The following RARB variants were observed in gnomAD, a reference collection of about 807,000 sequenced individuals.
RARB encodes retinoic acid receptor beta, also known as HBV-activated protein.
In RARB, 17 loss-of-function variants were observed where a neutral mutation model predicts 51.9. That is an observed-to-expected ratio of 0.33 (90% CI 0.22 to 0.49). RARB has a LOEUF of 0.49. Among genes scored for constraint, RARB ranks in the 20% least tolerant of loss-of-function variants. RARB has a pLI of 0.99. For synonymous variants in RARB, 215 were observed against 195.4 expected, an observed-to-expected ratio of 1.10 and a Z score of -0.84; for missense variants, 369 against 550.8, an observed-to-expected ratio of 0.67 and a Z score of 3.30.
At chr3:24,928,319 A>C (rs1203021135) in intron 2 of RARB, among the ~76,000 whole-genome samples, 1 of 151,946 alleles carries the variant, frequency 6.6e-6, no homozygotes, top group African/African-American at 2.4e-5. Flanking sequence ...TGATTCATCT[A>C]TTGTGTACCA....
intron 2 of RARB, among the ~76,000 whole-genome samples, chr3:24,962,951 T>G (rs1199256302): frequency 6.6e-6 from 1 of 152,208 alleles, no homozygotes; most frequent in Non-Finnish European, 1.5e-5. Context: ...TTAAGTAATT[T>G]GCCGAAGTCA....
At chr3:25,570,830 T>G (rs943791159) in intron 4 of RARB, among the ~76,000 whole-genome samples, 7 of 152,184 alleles carry the variant, frequency 4.6e-5, no homozygotes, top group African/African-American at 1.7e-4. Flanking sequence ...GTAAACATAC[T>G]TTAAAAACAA....
intron 2 of RARB, among the ~76,000 whole-genome samples, chr3:25,044,064 C>A (rs1013417981): frequency 6.6e-6 from 1 of 151,910 alleles, no homozygotes; most frequent in African/African-American, 2.4e-5. Flanking sequence ...ACTGATACTA[C>A]CTTCAAAGTA....
chr3:25,217,841 C>G (rs1351677172), intron 5 of RARB, among the ~76,000 whole-genome samples: 1 of 152,092 alleles, frequency 6.6e-6, no homozygotes, highest in African/African-American at 2.4e-5. Context: ...GGATATGCAC[C>G]AAACCCTAAA....
chr3:25,159,421 G>A (rs371321933), intron 4 of RARB, among the ~76,000 whole-genome samples: 185 of 106,998 alleles, frequency 1.7e-3, no homozygotes, highest in Middle Eastern at 4.4e-3. Context: ...CACCCCCCCC[G>A]CTCCCCCTCA....
chr3:25,425,470 C>G (rs1255550064), upstream of RARB, among the ~76,000 whole-genome samples: 1 of 152,120 alleles, frequency 6.6e-6, no homozygotes, highest in Non-Finnish European at 1.5e-5. Context: ...TTGCTATCAG[C>G]ATAATTAATT....
intron 1 of RARB, among the ~76,000 whole-genome samples, chr3:25,447,501 A>G (rs772652031): frequency 4.6e-5 from 7 of 152,198 alleles, no homozygotes; most frequent in Admixed American, 6.5e-5. Flanking sequence ...CAGGTGCTCA[A>G]TAAATGTTTG....
chr3:24,880,385 C>T (rs935946564), intron 2 of RARB, among the ~76,000 whole-genome samples: 6 of 151,866 alleles, frequency 4.0e-5, no homozygotes, highest in Admixed American at 1.3e-4. Flanking sequence ...TAATTAATAT[C>T]CTTGGAGAGA....
intron 2 of RARB, among the ~76,000 whole-genome samples, chr3:25,478,874 G>A (rs529595500): frequency 2.0e-5 from 3 of 152,286 alleles, no homozygotes; most frequent in African/African-American, 7.2e-5. Context: ...TTTACCAAAT[G>A]TGGGCTCTAA....
intron 3 of RARB, among the ~76,000 whole-genome samples, chr3:25,106,467 T>C (rs1559468575): frequency 8.3e-6 from 1 of 120,122 alleles, no homozygotes; most frequent in South Asian, 2.7e-4. Context: ...TGTTTTTTTT[T>C]GTTTTGTTTT....
chr3:25,196,615 T>C lies in RARB; in HGVS notation c.178+22040T>C, dbSNP rs188818059. Among the ~76,000 whole-genome samples, 17 of 152,306 alleles carry C rather than the reference T, an allele frequency of 1.1e-4. No individual in the cohort carries two copies. In the East Asian group the frequency reaches 2.9e-3, roughly 26 times the overall value. On this transcript the variant is annotated intron_variant, in intron 5 of 11. Transcript: ENST00000383772. ...ATAGGACGGCTGGGTCAAATGGTAT[T>C]ACTAGTTCTAGATTCTTGAGGAATC...
At chr3:25,482,781 C>T (rs1464408877) in intron 2 of RARB, among the ~76,000 whole-genome samples, 2 of 151,844 alleles carry the variant, frequency 1.3e-5, no homozygotes, top group African/African-American at 4.8e-5. Flanking sequence ...CCTCATGATC[C>T]GCCCAGCTCG....
Position 24,998,277 on chromosome 3 carries a change from G to GTT in RARB, c.-379-61836_-379-61835dup, listed in dbSNP as rs71622792. Among the ~76,000 whole-genome samples, 987 of 140,432 alleles carry GTT rather than the reference G, an allele frequency of 7.0e-3. 11 individuals carry two copies. The highest frequency in any genetic ancestry group is 0.011 in the Non-Finnish European group (693 of 65,114). The allele number at this position is 140,432 out of a possible 152,430, so 92.1% of individuals were successfully genotyped here. A position where few individuals can be genotyped will look rare whatever the true frequency, so the allele number is the denominator to read the frequency against. On this transcript the variant is annotated intron_variant, in intron 2 of 11. Coordinates refer to the RARB transcript ENST00000383772. ...TTCACGGCCTTTTGACTTGTAGTTT[G>GTT]TTTTTTTTTTTTTCTTTGGAGTCCT...
chr3:25,246,549 G>C (rs923620237), intron 5 of RARB, among the ~76,000 whole-genome samples: 1 of 152,120 alleles, frequency 6.6e-6, no homozygotes. Context: ...CTTTCTGTTT[G>C]TTAGTTTTCC....
intron 5 of RARB, among the ~76,000 whole-genome samples, chr3:25,285,405 T>C (rs1327871659): frequency 1.3e-5 from 2 of 152,164 alleles, no homozygotes; most frequent in African/African-American, 4.8e-5. Context: ...ATGTGGATTT[T>C]GGGCAGGCTG....
intron 2 of RARB, among the ~76,000 whole-genome samples, chr3:24,981,999 A>G (rs1575104571): frequency 6.6e-6 from 1 of 152,188 alleles, no homozygotes. Context: ...CAAAAGGGAA[A>G]CCTGGGGAAT....
chr3:24,860,886 G>T (rs186489678), intron 2 of RARB, among the ~76,000 whole-genome samples: 1 of 152,262 alleles, frequency 6.6e-6, no homozygotes. Context: ...TAATGACTTA[G>T]TATACAAGTA....
intron 5 of RARB, among the ~76,000 whole-genome samples, chr3:25,398,962 A>G (rs181279115): frequency 6.6e-6 from 1 of 152,332 alleles, no homozygotes; most frequent in East Asian, 1.9e-4. Flanking sequence ...GCTGATAAGG[A>G]ATGTGAAGTT....
intron 5 of RARB, among the ~76,000 whole-genome samples, chr3:25,279,703 G>A (rs1422278357): frequency 6.6e-6 from 1 of 152,166 alleles, no homozygotes; most frequent in Non-Finnish European, 1.5e-5. Context: ...CAGAGCCAAT[G>A]AAGAATGAGA....
Sources: allele counts gnomAD v4.1 joint callset (sites outside exome capture counted in the v4.1 genomes callset), GRCh38; gene constraint gnomAD v4.1.1; transcripts MANE v1.5; gene names NCBI Gene and HGNC (gene_info 2026-07-23, HGNC 2026-07-21).